Variants in FAT3 observed in about 807,000 individuals in gnomAD.
FAT3 encodes protocadherin Fat 3.
A neutral mutation model predicts 310.2 loss-of-function variants in FAT3; 95 were observed. The observed-to-expected ratio is 0.31, with a 90% CI of 0.26 to 0.36. The LOEUF is 0.36. Among genes scored for constraint, FAT3 ranks in the 10% least tolerant of loss-of-function variants. The pLI is 1.00. For missense variants in FAT3, 5,408 were observed against 5,715.6 expected, an observed-to-expected ratio of 0.95 and a Z score of 1.74; for synonymous variants, 2,314 against 2,192.9, an observed-to-expected ratio of 1.06 and a Z score of -1.54.
chr11:92,409,975 A>G (rs1320135368), intron 2 of FAT3, among the ~76,000 whole-genome samples: 4 of 152,106 alleles, frequency 2.6e-5, no homozygotes. Context: ...CTCATTTGTA[A>G]GAAGAAGTAA....
At chr11:92,369,229 G>T (rs902399417) in intron 2 of FAT3, among the ~76,000 whole-genome samples, 5 of 152,132 alleles carry the variant, frequency 3.3e-5, no homozygotes, top group Admixed American at 1.3e-4. Flanking sequence ...CTGGGGCTTG[G>T]AAGTGTTGGC....
intron 2 of FAT3, among the ~76,000 whole-genome samples, chr11:92,515,230 C>T (rs1953439326): frequency 6.6e-6 from 1 of 152,048 alleles, no homozygotes; most frequent in Non-Finnish European, 1.5e-5. Flanking sequence ...ATGAATACTC[C>T]AGGACTGTGT....
intron 2 of FAT3, among the ~76,000 whole-genome samples, chr11:92,492,655 C>A (rs1413894268): frequency 6.6e-6 from 1 of 152,038 alleles, no homozygotes; most frequent in Non-Finnish European, 1.5e-5. Context: ...AGCTTCCCCT[C>A]TCCAGCCCAA....
intron 2 of FAT3, among the ~76,000 whole-genome samples, chr11:92,412,730 T>TATATATATATACAC (rs1565296304): frequency 3.9e-4 from 9 of 22,884 alleles, no homozygotes; most frequent in Non-Finnish European, 7.0e-4. Flanking sequence ...TATATATATA[T>TATATATATATACAC]ATATATATAT....
intron 4 of FAT3, among the ~76,000 whole-genome samples, chr11:92,751,918 G>A (rs1342183262): frequency 6.6e-6 from 1 of 152,106 alleles, no homozygotes; most frequent in Non-Finnish European, 1.5e-5. Flanking sequence ...GTCTCCAGCT[G>A]CAGAATAGAA....
chr11:92,679,215 C>G (rs538926124), intron 3 of FAT3, among the ~76,000 whole-genome samples: 1 of 151,926 alleles, frequency 6.6e-6, no homozygotes, highest in South Asian at 2.1e-4. Context: ...TTAGGTTGAT[C>G]CTATAGCTTT....
intron 3 of FAT3, among the ~76,000 whole-genome samples, chr11:92,543,757 G>A (rs1954526678): frequency 6.6e-6 from 1 of 152,116 alleles, no homozygotes; most frequent in Non-Finnish European, 1.5e-5. Flanking sequence ...ATATTGTTCT[G>A]CCTTGATTTG....
intron 3 of FAT3, among the ~76,000 whole-genome samples, chr11:92,615,466 G>T (rs529636760): frequency 5.3e-5 from 8 of 152,022 alleles, no homozygotes; most frequent in Middle Eastern, 3.4e-3. Context: ...AGGCTGGTCT[G>T]GAACACCTGA....
rs183968462 is a variant in FAT3 at position 92,254,557 on chromosome 11, C to T, written c.-18+29383C>T. Reference sequence around the variant, plus strand: ...TTCAAATCATTAGGTAGTGGGGAGACTTGGATAAATTCCAAACTAATTTTT... The same window carrying T: ...TTCAAATCATTAGGTAGTGGGGAGATTTGGATAAATTCCAAACTAATTTTT... On this transcript the variant is annotated intron_variant, in intron 1 of 27. Coordinates refer to ENST00000525166, the MANE Select transcript of FAT3 (RefSeq NM_001367949.2). 7.9e-5 allele frequency among the ~76,000 whole-genome samples: 12 copies of T among 152,154 alleles called. No homozygotes were observed. The East Asian group carries it at 1.9e-3, about 25-fold the overall frequency.
At chr11:92,559,793 A>T (rs904041040) in intron 3 of FAT3, among the ~76,000 whole-genome samples, 2 of 152,124 alleles carry the variant, frequency 1.3e-5, no homozygotes, top group African/African-American at 2.4e-5. Flanking sequence ...TGTTGTGTGT[A>T]TCAGTATTTC....
At chr11:92,631,502 C>T (rs1941557425) in intron 3 of FAT3, among the ~76,000 whole-genome samples, 1 of 152,004 alleles carries the variant, frequency 6.6e-6, no homozygotes, top group Admixed American at 6.6e-5. Flanking sequence ...GTTCTCATGA[C>T]ATCTGATGGT....
intron 2 of FAT3, among the ~76,000 whole-genome samples, chr11:92,468,432 A>G (rs1951825939): frequency 2.6e-5 from 4 of 152,226 alleles, no homozygotes; most frequent in African/African-American, 7.2e-5. Context: ...AACCTTTTGT[A>G]TAGCATCTTT....
At position 92,894,680 on chromosome 11, in the gene FAT3, G is replaced by A. The variant is rs2136461032; in HGVS notation, c.*3567G>A. The stretch of plus-strand genomic sequence containing the variant: ...TTTCCTCTATGAATATTTTGCTGCT[G>A]CATTCTAGTCTATGCCAGCTTTCCA... On this transcript the variant is annotated 3_prime_UTR_variant, in exon 28 of 28. Transcript: ENST00000525166. 6.6e-6 allele frequency: 1 copy of A among 152,258 alleles called. No individual in the cohort carries two copies. Among genetic ancestry groups the A allele is most frequent in the South Asian group, 2.1e-4 (1 of 4,812 alleles). The allele number at this position is 152,258 out of a possible 1,614,324, so 9.4% of individuals were successfully genotyped here. A position where few individuals can be genotyped will look rare whatever the true frequency, so the allele number is the denominator to read the frequency against.
In FAT3 at chr11:92,801,790, A is replaced by G. The variant is rs762429677; in HGVS notation, c.8777A>G (p.Gln2926Arg). Reference sequence around the variant, plus strand: ...AATGACAATGCACCAGTCTTCGCGCAGGAAGTGTACCGAGGGAATGTGAAG... The same window carrying G: ...AATGACAATGCACCAGTCTTCGCGCGGGAAGTGTACCGAGGGAATGTGAAG... ...DINDNAPVFAQEVYRGNVKES... is the reference protein window; with the variant it reads ...DINDNAPVFAREVYRGNVKES... Residue 2926 changes from glutamine (Q) to arginine (R), a missense_variant, in exon 10 of 28, where the codon CAG (glutamine) becomes CGG (arginine). Gln to Arg is a conservative substitution (Grantham distance 43). This residue lies in a region of FAT3 where 4,588 missense variants were observed against 4,809.8 expected (regional missense o/e 0.95). Transcript: ENST00000525166. 2 of 1,613,928 alleles carry G rather than the reference A, an allele frequency of 1.2e-6. No homozygotes were observed. The highest frequency in any genetic ancestry group is 2.2e-5 in the South Asian group (2 of 91,074).
intron 4 of FAT3, among the ~76,000 whole-genome samples, chr11:92,741,020 GC>G (rs1945491747): frequency 6.6e-6 from 1 of 152,038 alleles, no homozygotes. Context: ...CACAACGTCT[GC>G]CCTCAGAGAA....
chr11:92,362,907 A>G lies in FAT3; in HGVS notation c.3292+7503A>G, dbSNP rs191976828. Among the ~76,000 whole-genome samples, 18 of 152,354 alleles carry G rather than the reference A, an allele frequency of 1.2e-4. 1 individual carries two copies. The East Asian group carries it at 3.3e-3, about 28-fold the overall frequency. ...ACAGTAGAGAGATAATAATTATCCAATGCTTTTTTAACAAGGTAAGAAAGT... is the reference window on the plus strand; with the variant it reads ...ACAGTAGAGAGATAATAATTATCCAGTGCTTTTTTAACAAGGTAAGAAAGT... On this transcript the variant is annotated intron_variant, in intron 2 of 27. Transcript: ENST00000525166.
Position 92,816,226 on chromosome 11 carries a change from T to C in FAT3, c.9481+6150T>C, listed in dbSNP as rs201925278. Among the ~76,000 whole-genome samples the C allele has an allele frequency of 1.3e-4, 20 of 152,308 alleles. No homozygotes were observed. In the East Asian group the frequency reaches 3.1e-3, roughly 24 times the overall value. On this transcript the variant is annotated intron_variant, in intron 13 of 27. Transcript: ENST00000525166. ...CAGGCTTGGCAAGACTGAGATCATT[T>C]GTAGGAAGTCTGAGTGGCTTAGCAA...
chr11:92,649,913 A>ATATATATG, intron 3 of FAT3, among the ~76,000 whole-genome samples: 1 of 112,468 alleles, frequency 8.9e-6, no homozygotes, highest in African/African-American at 3.4e-5. Context: ...ATATATATAT[A>ATATATATG]TATGCACCTT....
intron 2 of FAT3, among the ~76,000 whole-genome samples, chr11:92,369,907 C>T (rs1031014508): frequency 2.0e-4 from 31 of 152,286 alleles, no homozygotes; most frequent in Non-Finnish European, 4.3e-4. Flanking sequence ...GGTCTCACTG[C>T]TTTTTCGGAG....
Sources: gnomAD v4.1 joint callset for allele counts (sites outside exome capture counted in the v4.1 genomes callset) on GRCh38, gnomAD v4.1.1 for gene constraint, gnomAD v4.1.1 regional missense constraint, MANE v1.5 for transcripts, NCBI Gene and HGNC (gene_info 2026-07-23, HGNC 2026-07-21) for gene names.